Variants in C2CD3 observed in about 807,000 individuals in gnomAD.
The protein encoded by C2CD3 is C2 domain containing 3 centriole elongation regulator.
C2CD3 carries 148 observed loss-of-function variants against 234.0 expected under a neutral mutation model. The observed-to-expected ratio is 0.63, with a 90% CI of 0.55 to 0.72. The LOEUF (loss-of-function observed/expected upper bound fraction) is 0.72. Ranked by LOEUF, C2CD3 falls within the 30% of genes least tolerant of loss-of-function variation. The probability of loss-of-function intolerance (pLI) is 0.00; values close to 1 mark genes in which losing one functional copy is unlikely to be tolerated. For missense variants in C2CD3, 2,577 were observed against 2,811.5 expected, an observed-to-expected ratio of 0.92 and a Z score of 1.89; for synonymous variants, 1,000 against 1,035.4, an observed-to-expected ratio of 0.97 and a Z score of 0.66.
At chr11:74,150,525 A>C (rs1565348291) in intron 3 of C2CD3, among the ~76,000 whole-genome samples, 1 of 58,184 alleles carries the variant, frequency 1.7e-5, no homozygotes, top group African/African-American at 8.0e-5. Flanking sequence ...ACAAAAAAAA[A>C]ACAAAACAAA....
intron 15 of C2CD3, among the ~76,000 whole-genome samples, chr11:74,099,145 G>GA (rs1956218636): frequency 6.6e-6 from 1 of 152,098 alleles, no homozygotes; most frequent in Admixed American, 6.5e-5. Flanking sequence ...CATAATTTAA[G>GA]AAAAAAAGGA....
Position 74,095,377 on chromosome 11 carries a change from T to C in C2CD3, c.3011A>G (p.His1004Arg). 1.2e-6 allele frequency: 2 copies of C among 1,613,224 alleles called. No individual in the cohort carries two copies. Among genetic ancestry groups the C allele is most frequent in the Non-Finnish European group, 1.7e-6 (2 of 1,179,444 alleles). ...CATCTCTATATGGATCTCAAAGCAGTGCTCCATCAGTCCATTTCCTCGGTC... is the reference window on the plus strand; with the variant it reads ...CATCTCTATATGGATCTCAAAGCAGCGCTCCATCAGTCCATTTCCTCGGTC... ...AEDRGNGLME[H>R]CFEIHIEMVK... Residue 1004 changes from histidine to arginine, a missense_variant, in exon 17 of 33, where the codon CAC becomes CGC. Physicochemically the swap from His to Arg is conservative, Grantham distance 29. Coordinates refer to ENST00000334126, the MANE Select transcript of C2CD3 (RefSeq NM_001286577.2).
intron 1 of C2CD3, 72 bp downstream of exon 1, chr11:74,170,666 C>G (rs542791934): frequency 2.6e-6 from 4 of 1,532,368 alleles, no homozygotes; most frequent in East Asian, 2.2e-5. Flanking sequence ...AGCGGGGGTG[C>G]GGGTCTCCCT....
In C2CD3 at chr11:74,103,263, A is replaced by C. The variant is rs140093956; in HGVS notation, c.2448T>G (p.Asp816Glu). The C allele has an allele frequency of 1.2e-5, 20 of 1,614,084 alleles. No homozygotes were observed. The highest frequency in any genetic ancestry group is 2.7e-5 in the African/African-American group (2 of 74,916). Reference sequence around the variant, plus strand: ...GTTTCTCAGATTCTCCACTAATAAAATCTTTCCCATCTGGCACCATCAACA... The same window carrying C: ...GTTTCTCAGATTCTCCACTAATAAACTCTTTCCCATCTGGCACCATCAACA... ...HVLLMVPDGK[D>E]FISGESEKQS... The change falls in exon 14 of 33, where the codon GAT becomes GAG. Residue 816 changes from aspartate to glutamate, a missense_variant. Asp to Glu is a conservative substitution (Grantham distance 45, BLOSUM62 2). Transcript: ENST00000334126.
chr11:74,067,163 T>C (rs918271667), intron 24 of C2CD3, among the ~76,000 whole-genome samples: 15 of 152,174 alleles, frequency 9.9e-5, no homozygotes, highest in African/African-American at 3.6e-4. Flanking sequence ...TTTCAGTCAT[T>C]TGTACTGGAA....
chr11:74,057,647 G>T, intron 24 of C2CD3, 103 bp from the exon 25 acceptor site: 3 of 1,205,024 alleles, frequency 2.5e-6, no homozygotes, highest in Non-Finnish European at 3.6e-6. Context: ...CTTCCTATGG[G>T]GTCTTTGCTC....
At chr11:74,153,123 C>T (rs578049206) in intron 3 of C2CD3, among the ~76,000 whole-genome samples, 96 of 152,066 alleles carry the variant, frequency 6.3e-4, no homozygotes, top group Non-Finnish European at 1.1e-3. Context: ...AAGGCTGAGG[C>T]AGGAGGACTG....
At chr11:74,056,265 C>G (rs988883813) in intron 25 of C2CD3, among the ~76,000 whole-genome samples, 2 of 152,162 alleles carry the variant, frequency 1.3e-5, no homozygotes, top group Non-Finnish European at 1.5e-5. Context: ...AAAGGTGATA[C>G]AGTATAAATT....
intron 9 of C2CD3, among the ~76,000 whole-genome samples, chr11:74,115,861 A>T (rs746037903): frequency 7.9e-5 from 12 of 152,194 alleles, no homozygotes; most frequent in Non-Finnish European, 1.3e-4. Flanking sequence ...GCAAACAAAA[A>T]CATAAAGTGG....
At chr11:74,059,274 G>A (rs976063404) in intron 24 of C2CD3, among the ~76,000 whole-genome samples, 7 of 152,016 alleles carry the variant, frequency 4.6e-5, no homozygotes, top group African/African-American at 1.7e-4. Context: ...AGCCAGGCGT[G>A]GTGGTGGCTG....
At position 74,029,233 on chromosome 11, in the gene C2CD3, AT is replaced by A. The variant is rs891075644; in HGVS notation, c.6810-836del. 5.4e-4 allele frequency among the ~76,000 whole-genome samples: 82 copies of A among 152,302 alleles called. 1 individual carries two copies. Among genetic ancestry groups the A allele is most frequent in the African/African-American group, 1.9e-3 (80 of 41,566 alleles). On this transcript the variant is annotated intron_variant, in intron 31 of 32. Coordinates refer to ENST00000334126, the MANE Select transcript of C2CD3 (RefSeq NM_001286577.2). ...CTCTGAAGGGGGTAAAGAGGGGACT[AT>A]TTTGATGTTCCAATTTTTTGTTTCT...
intron 28 of C2CD3, among the ~76,000 whole-genome samples, chr11:74,045,332 G>T (rs1190794858): frequency 6.6e-6 from 1 of 152,084 alleles, no homozygotes; most frequent in Non-Finnish European, 1.5e-5. Context: ...GTAAGCTTTG[G>T]AATTAGGGAC....
At chr11:74,162,657 A>G (rs781143981) in intron 2 of C2CD3, among the ~76,000 whole-genome samples, 10 of 152,256 alleles carry the variant, frequency 6.6e-5, no homozygotes, top group Non-Finnish European at 1.5e-4. Context: ...ACAACAACAA[A>G]TACCACACAC....
In C2CD3 at chr11:74,090,776, A is replaced by T. The variant is rs572666345; in HGVS notation, c.3641+37T>A. ...CATTATTTTACAATGATTGCAGTGT[A>T]AAAGGCTTGAGAATTGCTTGTCTCA... On this transcript the variant is annotated intron_variant, in intron 20 of 32. Coordinates refer to ENST00000334126, the MANE Select transcript of C2CD3 (RefSeq NM_001286577.2). The T allele has an allele frequency of 3.1e-5, 50 of 1,613,058 alleles. No homozygotes were observed. The South Asian group carries it at 5.3e-4, about 17-fold the overall frequency.
rs1955583747 is a variant in C2CD3, at chr11:74,085,153, T to C, written c.3911-183A>G. On this transcript the variant is annotated intron_variant, in intron 21 of 32. Coordinates refer to ENST00000334126, the MANE Select transcript of C2CD3 (RefSeq NM_001286577.2). Reference sequence around the variant, plus strand: ...GCCTGAATGCCTTCATTTTTTTTTTTTTTTGGCAGGGTCTCACTCTCTCAT... The same window carrying C: ...GCCTGAATGCCTTCATTTTTTTTTTCTTTTGGCAGGGTCTCACTCTCTCAT... 2.0e-5 allele frequency among the ~76,000 whole-genome samples: 3 copies of C among 151,674 alleles called. No individual in the cohort carries two copies. In the South Asian group the frequency reaches 6.3e-4, roughly 32 times the overall value.
Position 74,033,523 on chromosome 11 carries a change from C to A in C2CD3, c.6637G>T (p.Ala2213Ser). Residue 2213 changes from alanine to serine, a missense_variant, in exon 31 of 33, where the codon GCT becomes TCT. Transcript: ENST00000334126. The part of the protein sequence containing the change: ...PKSEAPAENE[A>S]ATSELGDSAD... ...GAGTCACCGAGCTCACTGGTGGCAG[C>A]TTCATTCTCAGCTGGGGCCTCTGAC... 6 of 1,536,166 alleles carry A rather than the reference C, an allele frequency of 3.9e-6. No individual in the cohort carries two copies. The South Asian group carries it at 7.1e-5, about 18-fold the overall frequency.
At chr11:74,162,010 C>G (rs372756829) in intron 2 of C2CD3, among the ~76,000 whole-genome samples, 2 of 152,036 alleles carry the variant, frequency 1.3e-5, no homozygotes, top group African/African-American at 4.8e-5. Context: ...GAGACAAGGT[C>G]TCACTGTGTT....
intron 3 of C2CD3, among the ~76,000 whole-genome samples, chr11:74,153,806 T>C (rs1855836678): frequency 6.6e-6 from 1 of 152,102 alleles, no homozygotes; most frequent in Non-Finnish European, 1.5e-5. Context: ...GCTGCAGTAA[T>C]ACAGTGTTGC....
rs771887285 is a variant in C2CD3 at position 74,033,421 on chromosome 11, C to T, written c.6739G>A (p.Asp2247Asn). 22 of 1,536,022 alleles carry T rather than the reference C, an allele frequency of 1.4e-5. No individual in the cohort carries two copies. The highest frequency in any genetic ancestry group is 9.8e-5 in the East Asian group (4 of 40,934). ...TGCCTCTGCCTGATGTCAGAGGAGT[C>T]GATGGGTGGTCCCTTATGGTTTTCC... ...RRENHKGPPIDSSDIRQRQVT... is the reference protein window; with the variant it reads ...RRENHKGPPINSSDIRQRQVT... Residue 2247 changes from aspartate to asparagine, a missense_variant, in exon 31 of 33, where the codon GAC (aspartate) becomes AAC (asparagine). Coordinates refer to ENST00000334126, the MANE Select transcript of C2CD3 (RefSeq NM_001286577.2).
Sources: allele counts gnomAD v4.1 joint callset (sites outside exome capture counted in the v4.1 genomes callset), GRCh38; gene constraint gnomAD v4.1.1; transcripts MANE v1.5; gene names NCBI Gene and HGNC (gene_info 2026-07-23, HGNC 2026-07-21).